Variants in REC114 observed in about 807,000 individuals in gnomAD.
The protein encoded by REC114 is meiotic recombination protein REC114.
A neutral mutation model predicts 31.3 loss-of-function variants in REC114; 27 were observed. The ratio of observed to expected loss-of-function variants is 0.86; its 90% CI spans 0.64 to 1.19. REC114 has a LOEUF of 1.19. Ranked by LOEUF, REC114 falls within the 50% of genes most tolerant of loss-of-function variation. The probability of loss-of-function intolerance (pLI) is 0.00; values close to 1 mark genes in which losing one functional copy is unlikely to be tolerated. For missense variants in REC114, 344 were observed against 326.9 expected (o/e 1.05, Z -0.40); for synonymous variants, 134 against 127.7 (o/e 1.05, Z -0.33).
chr15:73,538,332 T>G (rs1894187782), intron 2 of REC114, among the ~76,000 whole-genome samples: 1 of 152,146 alleles, frequency 6.6e-6, no homozygotes, highest in African/African-American at 2.4e-5. Context: ...TAGTCATCAA[T>G]TTGTTCAGTG....
chr15:73,519,258 T>C (rs538497933), intron 2 of REC114, among the ~76,000 whole-genome samples: 1 of 152,178 alleles, frequency 6.6e-6, no homozygotes, highest in Admixed American at 6.5e-5. Flanking sequence ...TTAATGCCCT[T>C]ATAAAAGAGA....
intron 2 of REC114, among the ~76,000 whole-genome samples, chr15:73,513,967 C>T (rs1385744512): frequency 4.6e-5 from 7 of 152,170 alleles, no homozygotes; most frequent in East Asian, 1.9e-4. Context: ...CTGTGGTGGG[C>T]TCCACCCAGT....
At chr15:73,517,641 T>A (rs1893878087) in intron 2 of REC114, among the ~76,000 whole-genome samples, 1 of 152,174 alleles carries the variant, frequency 6.6e-6, no homozygotes, top group Non-Finnish European at 1.5e-5. Flanking sequence ...AGCAGGCATG[T>A]GTGATGACCA....
chr15:73,484,753 T>C (rs1209381279), intron 2 of REC114, among the ~76,000 whole-genome samples: 1 of 152,258 alleles, frequency 6.6e-6, no homozygotes, highest in East Asian at 1.9e-4. Context: ...TACCTAGATA[T>C]AATTATGCCT....
chr15:73,507,389 G>A (rs768443796), intron 2 of REC114, among the ~76,000 whole-genome samples: 10 of 152,024 alleles, frequency 6.6e-5, no homozygotes, highest in South Asian at 6.2e-4. Flanking sequence ...ATCAGCTATC[G>A]TTAATGTTAG....
chr15:73,507,995 G>A (rs140382327), intron 2 of REC114, among the ~76,000 whole-genome samples: 1 of 152,236 alleles, frequency 6.6e-6, no homozygotes, highest in East Asian at 1.9e-4. Flanking sequence ...CAAGGTTAGC[G>A]CCATTTTTGG....
chr15:73,443,801 C>T (rs1892730269), intron 1 of REC114, among the ~76,000 whole-genome samples: 1 of 152,160 alleles, frequency 6.6e-6, no homozygotes, highest in Non-Finnish European at 1.5e-5. Context: ...TGAATCCTCG[C>T]GTTGCCAGTG....
intron 2 of REC114, among the ~76,000 whole-genome samples, chr15:73,540,017 A>C (rs1049912127): frequency 6.6e-6 from 1 of 152,200 alleles, no homozygotes; most frequent in Non-Finnish European, 1.5e-5. Context: ...AGTATCCAAA[A>C]GAAAACTGCT....
chr15:73,486,806 G>A (rs1020264476), intron 2 of REC114, among the ~76,000 whole-genome samples: 1 of 152,272 alleles, frequency 6.6e-6, no homozygotes. Context: ...GGAGACTGAG[G>A]TGGGCGGATC....
At chr15:73,524,753 A>G (rs1893983517) in intron 2 of REC114, among the ~76,000 whole-genome samples, 1 of 152,108 alleles carries the variant, frequency 6.6e-6, no homozygotes, top group African/African-American at 2.4e-5. Flanking sequence ...ACCCACCACC[A>G]TGCTAGGCTA....
At chr15:73,495,664 G>T (rs1488632075) in intron 2 of REC114, among the ~76,000 whole-genome samples, 3 of 152,000 alleles carry the variant, frequency 2.0e-5, no homozygotes, top group Non-Finnish European at 1.5e-5. Context: ...TTTATTAAGA[G>T]GCTATAGAAT....
At chr15:73,464,832 T>C (rs1383578035) in intron 1 of REC114, among the ~76,000 whole-genome samples, 1 of 152,162 alleles carries the variant, frequency 6.6e-6, no homozygotes, top group Middle Eastern at 3.2e-3. Flanking sequence ...AGCTCTTTTT[T>C]TGTGGACCCT....
At chr15:73,450,297 AC>A (rs1892825891) in intron 1 of REC114, among the ~76,000 whole-genome samples, 1 of 152,116 alleles carries the variant, frequency 6.6e-6, no homozygotes, top group Non-Finnish European at 1.5e-5. Flanking sequence ...AGGAATATTT[AC>A]CAAGCAAATG....
intron 2 of REC114, among the ~76,000 whole-genome samples, chr15:73,489,200 CTTTT>C (rs60331328): frequency 7.9e-6 from 1 of 126,258 alleles, no homozygotes; most frequent in Non-Finnish European, 1.6e-5. Flanking sequence ...CCTCCCCCAC[CTTTT>C]TTTTTTTTTT....
chr15:73,514,046 C>T (rs1016654424), intron 2 of REC114, among the ~76,000 whole-genome samples: 3 of 152,146 alleles, frequency 2.0e-5, no homozygotes, highest in Admixed American at 6.5e-5. Context: ...CCCCCAGCCT[C>T]GCTGCTGCCT....
chr15:73,548,797 A>G (rs565982196), intron 3 of REC114, among the ~76,000 whole-genome samples: 60 of 152,344 alleles, frequency 3.9e-4, no homozygotes, highest in African/African-American at 1.3e-3. Flanking sequence ...GTGCCCATCA[A>G]TGATAGACTA....
chr15:73,526,453 G>A, intron 2 of REC114, among the ~76,000 whole-genome samples: 1 of 151,792 alleles, frequency 6.6e-6, no homozygotes, highest in East Asian at 1.9e-4. Context: ...TTTCACAATT[G>A]GTTTATTAGC....
chr15:73,483,055 G>A (rs184958155), intron 2 of REC114: 8 of 152,210 alleles, frequency 5.3e-5, no homozygotes, highest in Admixed American at 4.6e-4. Context: ...CGGGTGTAAG[G>A]TGGTATCTCC....
chr15:73,465,668 C>T (rs1938935466), intron 1 of REC114, among the ~76,000 whole-genome samples: 1 of 151,796 alleles, frequency 6.6e-6, no homozygotes, highest in Non-Finnish European at 1.5e-5. Flanking sequence ...CATCTTCTTC[C>T]CCTGAATGAT....
Sources: allele counts gnomAD v4.1 joint callset (sites outside exome capture counted in the v4.1 genomes callset), GRCh38; gene constraint gnomAD v4.1.1; transcripts MANE v1.5; gene names NCBI Gene and HGNC (gene_info 2026-07-23, HGNC 2026-07-21).